The following MTAP variants were observed in gnomAD, a reference collection of about 807,000 sequenced individuals.
The protein encoded by MTAP is S-methyl-5'-thioadenosine phosphorylase.
MTAP carries 33 observed loss-of-function variants against 33.6 expected under a neutral mutation model. The ratio of observed to expected loss-of-function variants is 0.98; its 90% confidence interval spans 0.74 to 1.31. The LOEUF is 1.31. MTAP is among the 40% of genes most tolerant of loss of function. The pLI is 0.00. For missense variants in MTAP, 367 were observed against 360.0 expected, an observed-to-expected ratio of 1.02 and a Z score of -0.16; for synonymous variants, 148 against 125.7, an observed-to-expected ratio of 1.18 and a Z score of -1.19.
chr9:21,858,716 C>G (rs10811631), intron 6 of MTAP, among the ~76,000 whole-genome samples: 40,613 of 152,072 alleles, frequency 0.27, 6,163 homozygotes, highest in African/African-American at 0.42. Context: ...CAAATCCAAA[C>G]CATACCAGAA....
chr9:21,909,394 A>G (rs148459198), intron 1 of MTAP, among the ~76,000 whole-genome samples: 4 of 152,262 alleles, frequency 2.6e-5, no homozygotes, highest in Non-Finnish European at 2.9e-5. Context: ...GAGAATGTAT[A>G]TAGTCCATAT....
intron 1 of MTAP, among the ~76,000 whole-genome samples, chr9:21,923,487 A>G (rs1424442596): frequency 1.3e-5 from 2 of 152,166 alleles, no homozygotes; most frequent in Non-Finnish European, 2.9e-5. Flanking sequence ...GGGCAAATAA[A>G]CATTGCTGTT....
At chr9:21,874,136 A>C (rs78357651) in intron 1 of MTAP, among the ~76,000 whole-genome samples, 2,112 of 152,254 alleles carry the variant, frequency 0.014, 50 homozygotes, top group African/African-American at 0.047. Context: ...GTAATAGGAA[A>C]GTCAACTTCA....
chr9:21,881,142 A>C (rs1363589303), intron 1 of MTAP, among the ~76,000 whole-genome samples: 2 of 152,128 alleles, frequency 1.3e-5, no homozygotes, highest in Non-Finnish European at 2.9e-5. Flanking sequence ...AAGGGTGCCA[A>C]AATCACTCAA....
chr9:21,844,051 A>G (rs1825316954), intron 5 of MTAP, among the ~76,000 whole-genome samples: 1 of 152,228 alleles, frequency 6.6e-6, no homozygotes, highest in African/African-American at 2.4e-5. Flanking sequence ...AGGAGATATT[A>G]CAACCAATAC....
At chr9:21,918,410 G>T (rs935037850) in intron 1 of MTAP, among the ~76,000 whole-genome samples, 5 of 150,722 alleles carry the variant, frequency 3.3e-5, no homozygotes. Context: ...CGATGGGGGA[G>T]GTTTGGAGGG....
chr9:21,869,747 A>G (rs533298587), downstream of MTAP, among the ~76,000 whole-genome samples: 1 of 152,244 alleles, frequency 6.6e-6, no homozygotes, highest in South Asian at 2.1e-4. Context: ...CATTACAGCT[A>G]CTGCTTCCAA....
chr9:21,923,256 C>T (rs949789158), intron 1 of MTAP, among the ~76,000 whole-genome samples: 1 of 152,224 alleles, frequency 6.6e-6, no homozygotes, highest in Non-Finnish European at 1.5e-5. Context: ...ACTTACCATA[C>T]ACTTTTCATC....
chr9:21,885,535 A>G (rs113671486), intron 1 of MTAP, among the ~76,000 whole-genome samples: 81 of 152,160 alleles, frequency 5.3e-4, no homozygotes, highest in African/African-American at 1.8e-3. Context: ...CAAGCAGTGT[A>G]CACTGTACCC....
intron 1 of MTAP, among the ~76,000 whole-genome samples, chr9:21,804,307 A>C (rs534164842): frequency 6.6e-6 from 1 of 152,350 alleles, no homozygotes; most frequent in South Asian, 2.1e-4. Flanking sequence ...CCTTGCAGGA[A>C]TACACTTCAA....
chr9:21,906,703 T>C (rs1563866195), intron 1 of MTAP, among the ~76,000 whole-genome samples: 3 of 152,204 alleles, frequency 2.0e-5, no homozygotes, highest in Non-Finnish European at 4.4e-5. Context: ...ATGAAATTAA[T>C]TTAGCTTAAA....
At chr9:21,871,968 T>G (rs893657681), downstream of MTAP, among the ~76,000 whole-genome samples, 13 of 152,182 alleles carry the variant, frequency 8.5e-5, no homozygotes, top group Admixed American at 7.9e-4. Context: ...TTTCCTGAGG[T>G]AATTCAGTAA....
Position 21,865,264 on chromosome 9 carries a change from C to T in MTAP, c.*3250C>T, listed in dbSNP as rs550078249. ...ATAAGGGGCTTTTCCCCCTTTTGCT[C>T]AACACTTCTTCCTGCCATCATGTGA... On this transcript the variant is annotated 3_prime_UTR_variant, in exon 8 of 8. Transcript: ENST00000644715. The T allele has an allele frequency of 3.6e-5, 16 of 443,170 alleles. No individual in the cohort carries two copies. The South Asian group carries it at 1.3e-3, about 37-fold the overall frequency. The allele number at this position is 443,170 out of a possible 1,614,324, so 27.5% of individuals were successfully genotyped here. A position where few individuals can be genotyped will look rare whatever the true frequency, so the allele number is the denominator to read the frequency against.
downstream of MTAP, among the ~76,000 whole-genome samples, chr9:21,869,535 G>A (rs925959888): frequency 1.3e-5 from 2 of 151,848 alleles, no homozygotes; most frequent in Non-Finnish European, 2.9e-5. Flanking sequence ...CTCAATCCTT[G>A]GATTTCTCCA....
At chr9:21,857,696 ATTT>A (rs1196559498) in intron 6 of MTAP, among the ~76,000 whole-genome samples, 4 of 152,228 alleles carry the variant, frequency 2.6e-5, no homozygotes, top group Admixed American at 2.6e-4. Flanking sequence ...CCCATCAATA[ATTT>A]TATCCATAAA....
At chr9:21,861,903 G>GTTTTT in intron 7 of MTAP, 73 bp from the exon 8 acceptor site, 1 of 748,278 alleles carries the variant, frequency 1.3e-6, no homozygotes, top group Non-Finnish European at 2.2e-6. Flanking sequence ...ATCAAAATCT[G>GTTTTT]TTTTTTTTTT....
At chr9:21,853,677 G>T (rs980621312) in intron 5 of MTAP, among the ~76,000 whole-genome samples, 2 of 152,174 alleles carry the variant, frequency 1.3e-5, no homozygotes, top group Admixed American at 6.5e-5. Context: ...ATTGTTAGAA[G>T]ACCAGCTTAG....
chr9:21,807,509 G>T (rs907679504), intron 1 of MTAP, among the ~76,000 whole-genome samples: 3 of 152,272 alleles, frequency 2.0e-5, no homozygotes, highest in African/African-American at 7.2e-5. Flanking sequence ...TTGTAGGACT[G>T]TCCCAAGCAT....
downstream of MTAP, among the ~76,000 whole-genome samples, chr9:21,872,076 G>T (rs1275901206): frequency 1.3e-5 from 2 of 152,158 alleles, no homozygotes; most frequent in Non-Finnish European, 2.9e-5. Context: ...AGCACTTTGG[G>T]AGGCTGAGGC....
Sources: allele counts gnomAD v4.1 joint callset (sites outside exome capture counted in the v4.1 genomes callset), GRCh38; gene constraint gnomAD v4.1.1; transcripts MANE v1.5; gene names NCBI Gene and HGNC (gene_info 2026-07-23, HGNC 2026-07-21).